Variants in RAD54B observed in about 807,000 individuals in gnomAD.
RAD54B encodes the protein RAD54 homolog B.
Under a neutral mutation model 95.8 loss-of-function variants are expected in RAD54B, and 78 were observed. The observed-to-expected ratio is 0.81, with a 90% CI of 0.68 to 0.98. RAD54B has a LOEUF of 0.98. RAD54B is among the 50% of genes least tolerant of loss of function. The pLI is 0.00. For synonymous variants in RAD54B, 328 were observed against 354.9 expected, an observed-to-expected ratio of 0.92 and a Z score of 0.85; for missense variants, 957 against 1,056.6, an observed-to-expected ratio of 0.91 and a Z score of 1.31.
intron 3 of RAD54B, among the ~76,000 whole-genome samples, chr8:94,453,404 G>A (rs1288718368): frequency 6.6e-6 from 1 of 152,046 alleles, no homozygotes; most frequent in Non-Finnish European, 1.5e-5. Context: ...GATGGCAGGT[G>A]CCGTAATCCC....
At chr8:94,384,423 C>G (rs1810820308) in intron 11 of RAD54B, among the ~76,000 whole-genome samples, 1 of 152,040 alleles carries the variant, frequency 6.6e-6, no homozygotes. Context: ...CTATATGATT[C>G]CATTTATATG....
intron 3 of RAD54B, among the ~76,000 whole-genome samples, chr8:94,419,597 A>G (rs1314014742): frequency 6.6e-6 from 1 of 152,148 alleles, no homozygotes; most frequent in African/African-American, 2.4e-5. Context: ...AAATACATGG[A>G]ACACAAGTGT....
Position 94,407,601 on chromosome 8 carries a change from A to G in RAD54B, c.619T>C (p.Cys207Arg). 1 of 1,612,318 alleles carries G rather than the reference A, an allele frequency of 6.2e-7. No homozygotes were observed. Among genetic ancestry groups the G allele is most frequent in the Non-Finnish European group, 8.5e-7 (1 of 1,179,220 alleles). ...GTACTTCCTCCTCCAAGCTGAAAAC[A>G]CCTGCCACTGCTGAAGTCATCTGGA... is the stretch of plus-strand genomic sequence containing the variant. ...ISPDDFSSGR[C>R]FQLGGGSTAI... The change falls in exon 5 of 15, where the codon TGT (cysteine) becomes CGT (arginine). Residue 207 changes from cysteine to arginine, a missense_variant. By Grantham distance (180) the Cys-to-Arg change is radical. Transcript: ENST00000336148.
chr8:94,375,166 C>T (rs1810538311), intron 14 of RAD54B, among the ~76,000 whole-genome samples: 1 of 152,148 alleles, frequency 6.6e-6, no homozygotes, highest in Non-Finnish European at 1.5e-5. Context: ...CTCAGCAATA[C>T]TAAAAATTTA....
chr8:94,393,707 G>A, intron 9 of RAD54B, 36 bp downstream of exon 9: 3 of 1,505,604 alleles, frequency 2.0e-6, no homozygotes, highest in South Asian at 2.4e-5. Context: ...CAGACATACG[G>A]CTTTTTAAAA....
intron 3 of RAD54B, among the ~76,000 whole-genome samples, chr8:94,412,199 G>A (rs1297665269): frequency 6.6e-6 from 1 of 152,166 alleles, no homozygotes; most frequent in Non-Finnish European, 1.5e-5. Context: ...ACAAGTGACA[G>A]GATTGCCTTC....
At chr8:94,454,603 G>A (rs977023950) in intron 3 of RAD54B, among the ~76,000 whole-genome samples, 6 of 87,308 alleles carry the variant, frequency 6.9e-5, no homozygotes, top group African/African-American at 1.7e-4. Context: ...TGTTTAACAA[G>A]CCTTTTATCC....
At chr8:94,379,240 G>A (rs1810674655) in intron 12 of RAD54B, among the ~76,000 whole-genome samples, 1 of 152,162 alleles carries the variant, frequency 6.6e-6, no homozygotes, top group African/African-American at 2.4e-5. Context: ...ATGTTATATG[G>A]TGGGGCCTTG....
At chr8:94,402,997 C>T (rs1388861076) in intron 6 of RAD54B, among the ~76,000 whole-genome samples, 1 of 152,158 alleles carries the variant, frequency 6.6e-6, no homozygotes. Context: ...CACAGACCAA[C>T]TGAGATAAGA....
At chr8:94,409,587 C>T (rs1412051553) in intron 4 of RAD54B, among the ~76,000 whole-genome samples, 1 of 151,968 alleles carries the variant, frequency 6.6e-6, no homozygotes, top group Non-Finnish European at 1.5e-5. Context: ...AGGCTGGTCT[C>T]GAACTTAGCC....
chr8:94,452,531 TG>T (rs1362204738), intron 3 of RAD54B, among the ~76,000 whole-genome samples: 4 of 151,734 alleles, frequency 2.6e-5, no homozygotes, highest in Non-Finnish European at 4.4e-5. Flanking sequence ...AGATAGAGTC[TG>T]CACTCACCCA....
At chr8:94,372,910 C>T (rs568675396) in intron 14 of RAD54B, 1 of 152,248 alleles carries the variant, frequency 6.6e-6, no homozygotes, top group Non-Finnish European at 1.5e-5. Flanking sequence ...AAAAAAAAAC[C>T]TTTTGAGCTT....
intron 3 of RAD54B, among the ~76,000 whole-genome samples, chr8:94,453,800 G>C (rs1369562068): frequency 6.6e-6 from 1 of 151,992 alleles, no homozygotes; most frequent in Non-Finnish European, 1.5e-5. Flanking sequence ...CTTTTTGTTT[G>C]TTTGTTTGAG....
intron 3 of RAD54B, among the ~76,000 whole-genome samples, chr8:94,442,464 A>G (rs919264002): frequency 3.3e-5 from 5 of 151,652 alleles, no homozygotes; most frequent in African/African-American, 1.2e-4. Flanking sequence ...AGTCCCAGCT[A>G]CTCGGGAGGC....
At chr8:94,467,056 G>A (rs567332547) in intron 2 of RAD54B, among the ~76,000 whole-genome samples, 2 of 152,186 alleles carry the variant, frequency 1.3e-5, no homozygotes, top group South Asian at 2.1e-4. Context: ...AGCCTCCCGA[G>A]TAGCTGATAC....
chr8:94,404,604 C>T (rs372081319), intron 5 of RAD54B, among the ~76,000 whole-genome samples: 31 of 152,124 alleles, frequency 2.0e-4, no homozygotes, highest in Non-Finnish European at 8.8e-5. Flanking sequence ...TGGAATTTTG[C>T]CAAGATGCAT....
At chr8:94,449,193 C>T (rs2919668) in intron 3 of RAD54B, among the ~76,000 whole-genome samples, 36,974 of 150,388 alleles carry the variant, frequency 0.25, 5,648 homozygotes, top group East Asian at 0.43. Flanking sequence ...TTCCCCCCCG[C>T]CCCCCACCAC....
rs539413537 is a variant in RAD54B at position 94,413,292 on chromosome 8, T to C, written c.305-1977A>G. ...AAAGAACAAAGTTGGATGTTTACAA[T>C]AATGCTGCGATAATCAAGATAGTTT... On this transcript the variant is annotated intron_variant, in intron 3 of 14. Coordinates refer to ENST00000336148, the MANE Select transcript of RAD54B (RefSeq NM_012415.3). Among the ~76,000 whole-genome samples, 3 of 152,320 alleles carry C rather than the reference T, an allele frequency of 2.0e-5. No homozygotes were observed. In the South Asian group the frequency reaches 6.2e-4, roughly 32 times the overall value.
intron 3 of RAD54B, among the ~76,000 whole-genome samples, chr8:94,457,686 G>A (rs1812810353): frequency 6.6e-6 from 1 of 152,150 alleles, no homozygotes; most frequent in Non-Finnish European, 1.5e-5. Flanking sequence ...TCTAATGATG[G>A]CTTTCACAAG....
Sources: allele counts gnomAD v4.1 joint callset (sites outside exome capture counted in the v4.1 genomes callset), GRCh38; gene constraint gnomAD v4.1.1; transcripts MANE v1.5; gene names NCBI Gene and HGNC (gene_info 2026-07-23, HGNC 2026-07-21).